RBM47: variants seen among roughly 807,000 people sequenced by gnomAD.
RBM47 encodes the protein RNA-binding protein 47.
Under a neutral mutation model 47.1 loss-of-function variants are expected in RBM47, and 21 were observed. The observed-to-expected ratio is 0.45, with a 90% CI of 0.32 to 0.64. RBM47 has a LOEUF of 0.64. Ranked by LOEUF, RBM47 falls within the 30% of genes least tolerant of loss-of-function variation. RBM47 has a pLI of 0.05. For missense variants in RBM47, 708 were observed against 870.9 expected, an observed-to-expected ratio of 0.81 and a Z score of 2.35; for synonymous variants, 375 against 361.7, an observed-to-expected ratio of 1.04 and a Z score of -0.42.
intron 2 of RBM47, among the ~76,000 whole-genome samples, chr4:40,469,894 C>T (rs1718592656): frequency 6.6e-6 from 1 of 152,142 alleles, no homozygotes; most frequent in South Asian, 2.1e-4. Flanking sequence ...CTCGGCCTCC[C>T]AAAGTGCTGG....
chr4:40,591,304 C>T (rs74587195), intron 1 of RBM47, among the ~76,000 whole-genome samples: 7 of 152,044 alleles, frequency 4.6e-5, no homozygotes, highest in African/African-American at 1.7e-4. Context: ...CTACTAAATG[C>T]CACAGAATTG....
intron 6 of RBM47, among the ~76,000 whole-genome samples, chr4:40,432,098 C>T (rs145487470): frequency 9.2e-5 from 14 of 152,172 alleles, no homozygotes; most frequent in Middle Eastern, 6.8e-3. Context: ...AAGTGATCCT[C>T]CCATCTTGGC....
chr4:40,459,432 G>A (rs1397242072), intron 3 of RBM47, among the ~76,000 whole-genome samples: 1 of 152,068 alleles, frequency 6.6e-6, no homozygotes, highest in African/African-American at 2.4e-5. Flanking sequence ...CGTGCATGGG[G>A]GTGCATGCCT....
At chr4:40,550,699 G>A (rs776477308) in intron 1 of RBM47, among the ~76,000 whole-genome samples, 33 of 152,112 alleles carry the variant, frequency 2.2e-4, no homozygotes, top group Non-Finnish European at 4.3e-4. Flanking sequence ...GATTACAGGT[G>A]TGAGCCACCG....
intron 1 of RBM47, among the ~76,000 whole-genome samples, chr4:40,569,979 T>C (rs1423283561): frequency 6.6e-6 from 1 of 152,116 alleles, no homozygotes; most frequent in Non-Finnish European, 1.5e-5. Flanking sequence ...CCCAAAGTGC[T>C]GGGATTACAG....
At chr4:40,470,774 G>A (rs546570095) in intron 2 of RBM47, among the ~76,000 whole-genome samples, 6 of 152,048 alleles carry the variant, frequency 3.9e-5, no homozygotes, top group Admixed American at 2.0e-4. Context: ...GCAGAGTCTC[G>A]CTCTGTTGCC....
In RBM47 at chr4:40,560,113, C is replaced by T. The variant is rs374950612; in HGVS notation, c.-239-15607G>A. Among the ~76,000 whole-genome samples, 24 of 152,198 alleles carry T rather than the reference C, an allele frequency of 1.6e-4. No homozygotes were observed. The South Asian group carries it at 1.9e-3, about 12-fold the overall frequency. On this transcript the variant is annotated intron_variant, in intron 1 of 6. Transcript: ENST00000295971. ...GGTCAGCAAAACAGTGTTGTCAAAA[C>T]GCAGCCAAGCTGAGTTTTGACCCAC...
At chr4:40,436,100 A>C (rs1712309974) in intron 5 of RBM47, among the ~76,000 whole-genome samples, 1 of 150,296 alleles carries the variant, frequency 6.7e-6, no homozygotes, top group South Asian at 2.1e-4. Flanking sequence ...TGCACCCAGG[A>C]GGCAGAGCTT....
chr4:40,624,578 A>T (rs1737556723), intron 1 of RBM47, among the ~76,000 whole-genome samples: 1 of 152,240 alleles, frequency 6.6e-6, no homozygotes, highest in Admixed American at 6.5e-5. Context: ...GGAGAAATAG[A>T]TCATAGGTAT....
At chr4:40,522,215 T>A (rs114073637) in intron 2 of RBM47, among the ~76,000 whole-genome samples, 1 of 151,982 alleles carries the variant, frequency 6.6e-6, no homozygotes, top group Non-Finnish European at 1.5e-5. Context: ...TTTAAGAAAC[T>A]ACCTCTTGGC....
Position 40,548,232 on chromosome 4 carries a change from G to A in RBM47, c.-239-3726C>T, listed in dbSNP as rs566842593. ...CCCGGCAGACACATCTGAAAGACAA[G>A]AGGGCATTTTCCAGACAGAACAGTC... On this transcript the variant is annotated intron_variant, in intron 1 of 6. Transcript: ENST00000295971. Among the ~76,000 whole-genome samples the A allele has an allele frequency of 1.4e-3, 219 of 152,350 alleles. 2 individuals are homozygous for A. The highest frequency in any genetic ancestry group is 4.9e-3 in the African/African-American group (205 of 41,578).
chr4:40,606,008 G>C (rs1735725535), intron 1 of RBM47, among the ~76,000 whole-genome samples: 1 of 150,890 alleles, frequency 6.6e-6, no homozygotes, highest in Non-Finnish European at 1.5e-5. Flanking sequence ...GACCAGCCTG[G>C]CCACCACGGT....
chr4:40,458,028 T>C (rs1420578117), intron 3 of RBM47, among the ~76,000 whole-genome samples: 1 of 152,164 alleles, frequency 6.6e-6, no homozygotes, highest in East Asian at 1.9e-4. Context: ...TTACAGTCAT[T>C]ATAATGGTGT....
At chr4:40,427,030 A>C (rs1182097644) in intron 6 of RBM47, 2 of 152,176 alleles carry the variant, frequency 1.3e-5, no homozygotes, top group Non-Finnish European at 2.9e-5. Flanking sequence ...AACTGATGGA[A>C]TATGATCTGT....
At chr4:40,584,224 A>G (rs1021430620) in intron 1 of RBM47, among the ~76,000 whole-genome samples, 5 of 152,086 alleles carry the variant, frequency 3.3e-5, no homozygotes, top group Non-Finnish European at 5.9e-5. Context: ...CCGGCCTCCC[A>G]ATGTGCTAGG....
rs530975328 is a variant in RBM47, at chr4:40,609,319, T to G, written c.-240+20077A>C. Among the ~76,000 whole-genome samples the G allele has an allele frequency of 3.7e-4, 47 of 126,354 alleles. No homozygotes were observed. In the East Asian group the frequency reaches 6.3e-3, roughly 17 times the overall value. The allele number at this position is 126,354 out of a possible 152,430, so 82.9% of individuals were successfully genotyped here. On this transcript the variant is annotated intron_variant, in intron 1 of 6. Transcript: ENST00000295971. The stretch of plus-strand genomic sequence containing the variant: ...AATTTTTTATTTTTATTTTTATTGG[T>G]TTTTTTTTTTTGAGACTGAGACTCA...
intron 2 of RBM47, among the ~76,000 whole-genome samples, chr4:40,497,716 G>A (rs1577801190): frequency 6.6e-6 from 1 of 151,144 alleles, no homozygotes; most frequent in East Asian, 2.0e-4. Flanking sequence ...GCTCTTGCTT[G>A]CAGTCCCAGT....
At chr4:40,620,333 C>T (rs1024886505) in intron 1 of RBM47, among the ~76,000 whole-genome samples, 1 of 151,836 alleles carries the variant, frequency 6.6e-6, no homozygotes, top group Non-Finnish European at 1.5e-5. Flanking sequence ...TGGTGAAACC[C>T]GTTTCTACTA....
intron 2 of RBM47, among the ~76,000 whole-genome samples, chr4:40,519,060 G>C (rs1294136189): frequency 4.0e-5 from 6 of 151,764 alleles, no homozygotes; most frequent in Non-Finnish European, 8.8e-5. Flanking sequence ...AATGATCCAG[G>C]CATGGTGGCA....
Sources: allele counts gnomAD v4.1 joint callset (sites outside exome capture counted in the v4.1 genomes callset), GRCh38; gene constraint gnomAD v4.1.1; transcripts MANE v1.5; gene names NCBI Gene and HGNC (gene_info 2026-07-23, HGNC 2026-07-21).